Variants in SATB1 observed in about 807,000 individuals in gnomAD.
The protein encoded by SATB1 is SATB homeobox 1.
A neutral mutation model predicts 86.9 loss-of-function variants in SATB1; 11 were observed. The observed-to-expected ratio is 0.13, with a 90% CI of 0.08 to 0.21. The LOEUF is 0.21. Ranked by LOEUF, SATB1 falls within the 10% of genes least tolerant of loss-of-function variation. The pLI, the probability that SATB1 is intolerant of heterozygous loss-of-function variation, is 1.00. For missense variants in SATB1, 551 were observed against 937.6 expected, an observed-to-expected ratio of 0.59 and a Z score of 5.39; for synonymous variants, 357 against 357.2, an observed-to-expected ratio of 1.00 and a Z score of 0.01.
chr3:18,363,123 T>G (rs902677796), intron 9 of SATB1, among the ~76,000 whole-genome samples: 1 of 152,074 alleles, frequency 6.6e-6, no homozygotes, highest in Admixed American at 6.6e-5. Context: ...AATTTAAATA[T>G]TCCCTCTATG....
chr3:18,418,956 A>G (rs183109968), intron 2 of SATB1, among the ~76,000 whole-genome samples: 1 of 152,298 alleles, frequency 6.6e-6, no homozygotes, highest in East Asian at 1.9e-4. Flanking sequence ...TCCTGTCCTG[A>G]TATCTTCAAA....
At position 18,397,822 on chromosome 3, in the gene SATB1, G is replaced by A. The variant is rs536201617; in HGVS notation, c.640-532C>T. On this transcript the variant is annotated intron_variant, in intron 5 of 10. Transcript: ENST00000338745. ...TACCAAGATCCCAGGGGATTCACAT[G>A]TATATTAAAATTTGAGAAACAGAAC... Among the ~76,000 whole-genome samples the A allele has an allele frequency of 2.6e-5, 4 of 152,244 alleles. No individual in the cohort carries two copies. In the South Asian group the frequency reaches 8.3e-4, roughly 32 times the overall value.
intron 9 of SATB1, among the ~76,000 whole-genome samples, chr3:18,353,259 G>C (rs1694463518): frequency 6.6e-6 from 1 of 152,180 alleles, no homozygotes; most frequent in Admixed American, 6.5e-5. Context: ...CCCTGTTTCT[G>C]AAAATGGACA....
At chr3:18,392,335 G>C (rs1197890357) in intron 7 of SATB1, among the ~76,000 whole-genome samples, 1 of 152,024 alleles carries the variant, frequency 6.6e-6, no homozygotes, top group Non-Finnish European at 1.5e-5. Flanking sequence ...GTCCTTTTAA[G>C]GACCAAAGGC....
At chr3:18,407,411 C>T (rs1413778197) in intron 5 of SATB1, among the ~76,000 whole-genome samples, 3 of 151,858 alleles carry the variant, frequency 2.0e-5, no homozygotes, top group Admixed American at 2.0e-4. Flanking sequence ...CAAAATCTTC[C>T]ATGTAGCCAG....
intron 9 of SATB1, among the ~76,000 whole-genome samples, chr3:18,367,098 C>T (rs1289902755): frequency 1.3e-5 from 2 of 152,148 alleles, no homozygotes; most frequent in Non-Finnish European, 2.9e-5. Flanking sequence ...GGTTAAACGG[C>T]TTGCCTGGGA....
At position 18,345,923 on chromosome 3, in the gene SATB1, T is replaced by A. The variant is rs1301057328; in HGVS notation, c.*3247A>T. On this transcript the variant is annotated 3_prime_UTR_variant, in exon 11 of 11. Coordinates refer to ENST00000338745, the MANE Select transcript of SATB1 (RefSeq NM_002971.6). The stretch of plus-strand genomic sequence containing the variant: ...AATGGAATGTATGGGATTCTCATTT[T>A]TACTCAATCTTGAATCATCTGAGAA... 2.6e-5 allele frequency: 4 copies of A among 152,164 alleles called. No homozygotes were observed. Among genetic ancestry groups the A allele is most frequent in the African/African-American group, 9.6e-5 (4 of 41,462 alleles). 9.4% of individuals were successfully genotyped at this position (152,164 alleles called of 1,614,324 possible).
At chr3:18,434,266 G>A (rs1698986751) in intron 2 of SATB1, among the ~76,000 whole-genome samples, 1 of 152,100 alleles carries the variant, frequency 6.6e-6, no homozygotes, top group Admixed American at 6.6e-5. Flanking sequence ...GCAACCAAGT[G>A]TAAATGTATC....
At chr3:18,370,689 G>T (rs1372220890) in intron 9 of SATB1, among the ~76,000 whole-genome samples, 1 of 151,970 alleles carries the variant, frequency 6.6e-6, no homozygotes, top group Non-Finnish European at 1.5e-5. Context: ...CTCAAATTTG[G>T]ACCTCAAAAT....
At chr3:18,361,112 C>T (rs1163151347) in intron 9 of SATB1, among the ~76,000 whole-genome samples, 1 of 152,098 alleles carries the variant, frequency 6.6e-6, no homozygotes, top group African/African-American at 2.4e-5. Flanking sequence ...TAGCTCTTTA[C>T]CATACTTTCT....
chr3:18,362,385 C>T (rs550990167), intron 9 of SATB1, among the ~76,000 whole-genome samples: 1 of 152,118 alleles, frequency 6.6e-6, no homozygotes, highest in Non-Finnish European at 1.5e-5. Context: ...AAAGGATTCA[C>T]CACAACAAAT....
intron 9 of SATB1, among the ~76,000 whole-genome samples, chr3:18,362,095 G>T (rs115598458): frequency 0.017 from 2,582 of 152,142 alleles, 47 homozygotes; most frequent in African/African-American, 0.034. Flanking sequence ...CATAACTGAT[G>T]AATTCCTGTC....
chr3:18,401,769 T>C (rs541439397), intron 5 of SATB1, among the ~76,000 whole-genome samples: 19 of 152,218 alleles, frequency 1.2e-4, no homozygotes, highest in South Asian at 8.3e-4. Context: ...AGGAGCCAAG[T>C]TGTAAGCTTT....
chr3:18,390,349 T>C (rs1696593072), intron 7 of SATB1, among the ~76,000 whole-genome samples: 1 of 152,182 alleles, frequency 6.6e-6, no homozygotes, highest in Non-Finnish European at 1.5e-5. Context: ...CAAGGCTACC[T>C]GCCTCTGTTG....
chr3:18,414,421 T>C (rs1559449989), intron 5 of SATB1, among the ~76,000 whole-genome samples: 1 of 151,968 alleles, frequency 6.6e-6, no homozygotes, highest in Non-Finnish European at 1.5e-5. Flanking sequence ...ACCAAATTTA[T>C]TCTAAAAAAA....
intron 9 of SATB1, among the ~76,000 whole-genome samples, chr3:18,367,559 T>G (rs1353888079): frequency 6.6e-6 from 1 of 152,164 alleles, no homozygotes; most frequent in Non-Finnish European, 1.5e-5. Flanking sequence ...AATGTCTTCT[T>G]ATTAGATAGG....
At chr3:18,433,998 A>G (rs1467910031) in intron 2 of SATB1, among the ~76,000 whole-genome samples, 1 of 152,112 alleles carries the variant, frequency 6.6e-6, no homozygotes, top group Non-Finnish European at 1.5e-5. Context: ...ATACATAAAT[A>G]CACTTGAGAG....
chr3:18,419,231 A>T (rs1184750974), intron 2 of SATB1, among the ~76,000 whole-genome samples: 2 of 152,166 alleles, frequency 1.3e-5, no homozygotes, highest in Non-Finnish European at 2.9e-5. Context: ...CGTTTCTGGG[A>T]GTAATGCTGA....
Position 18,386,638 on chromosome 3 carries a change from A to G in SATB1, c.1207-27T>C. The G allele has an allele frequency of 6.3e-7, 1 of 1,583,800 alleles. No homozygotes were observed. The highest frequency in any genetic ancestry group is 1.1e-5 in the South Asian group (1 of 90,160). ...TGCAAGAAATGAAAGGCACAGGGTG[A>G]GCCTGCTGCCTTGCTTTGCCTGGCC... On this transcript the variant is annotated intron_variant, in intron 7 of 10. Coordinates refer to ENST00000338745, the MANE Select transcript of SATB1 (RefSeq NM_002971.6). This position sits in a 1 kb window ranked among gnomAD's most constrained non-coding sequence, Gnocchi z 4.5.
Sources: gnomAD v4.1 joint callset for allele counts (sites outside exome capture counted in the v4.1 genomes callset) on GRCh38, gnomAD v4.1.1 for gene constraint, Gnocchi (gnomAD v3.1) non-coding constraint, MANE v1.5 for transcripts, NCBI Gene and HGNC (gene_info 2026-07-23, HGNC 2026-07-21) for gene names.